MYO9B: variants seen among roughly 807,000 people sequenced by gnomAD.
The protein encoded by MYO9B is unconventional myosin-IXb.
Under a neutral mutation model 229.5 loss-of-function variants are expected in MYO9B, and 71 were observed. The observed-to-expected ratio is 0.31, with a 90% CI of 0.26 to 0.38. MYO9B has a LOEUF of 0.38. MYO9B is among the 10% of genes least tolerant of loss of function. The pLI, the probability that MYO9B is intolerant of heterozygous loss-of-function variation, is 1.00. For missense variants in MYO9B, 2,255 were observed against 2,920.5 expected, an observed-to-expected ratio of 0.77 and a Z score of 5.25; for synonymous variants, 1,185 against 1,235.8, an observed-to-expected ratio of 0.96 and a Z score of 0.86.
chr19:17,211,881 C>T lies in MYO9B; in HGVS notation c.6059-14C>T. 6.3e-7 allele frequency: 1 copy of T among 1,589,110 alleles called. No individual in the cohort carries two copies. Among genetic ancestry groups the T allele is most frequent in the Non-Finnish European group, 8.6e-7 (1 of 1,165,542 alleles). On this transcript the variant is annotated splice_polypyrimidine_tract_variant and intron_variant, in intron 39 of 39. Coordinates refer to ENST00000682292, the MANE Select transcript of MYO9B (RefSeq NM_004145.4). ...CCTGAAGCTGCAGTAACCCTGCCAT[C>T]TGTCTCTCAAAAGGGCCCCCTGCGC...
intron 14 of MYO9B, among the ~76,000 whole-genome samples, chr19:17,176,735 C>T (rs2072794302): frequency 6.6e-6 from 1 of 152,132 alleles, no homozygotes; most frequent in Non-Finnish European, 1.5e-5. Context: ...AGAGTTCTTC[C>T]CCCATCCTGC....
chr19:17,188,745 G>A (rs2072947659), intron 19 of MYO9B, among the ~76,000 whole-genome samples: 1 of 152,184 alleles, frequency 6.6e-6, no homozygotes, highest in Admixed American at 6.5e-5. Flanking sequence ...GGGTGTAGTG[G>A]CACACGCCTG....
intron 3 of MYO9B, among the ~76,000 whole-genome samples, chr19:17,148,121 C>T (rs1283550609): frequency 1.3e-5 from 2 of 152,196 alleles, no homozygotes; most frequent in Admixed American, 6.5e-5. Flanking sequence ...TTGCACGATC[C>T]TATCTGCCAC....
rs115882292 is a variant in MYO9B at position 17,212,482 on chromosome 19, G to A, written c.*172G>A. ...TGCAGAGTCAAGGCAGGGAGAGGCC[G>A]GCTGGAGCCAGGCCCCCTCGCACGC... On this transcript the variant is annotated 3_prime_UTR_variant, in exon 40 of 40. Transcript: ENST00000682292. This position sits in a 1 kb window ranked among gnomAD's most constrained non-coding sequence, Gnocchi z 5.4. The A allele has an allele frequency of 8.3e-4, 646 of 777,538 alleles. No individual in the cohort carries two copies. In the African/African-American group the frequency reaches 9.7e-3, roughly 12 times the overall value. The allele number at this position is 777,538 out of a possible 1,614,324, so 48.2% of individuals were successfully genotyped here. A position where few individuals can be genotyped will look rare whatever the true frequency, so the allele number is the denominator to read the frequency against.
intron 2 of MYO9B, 146 bp from the exon 3 acceptor site, chr19:17,145,251 A>C: frequency 1.3e-6 from 1 of 746,170 alleles, no homozygotes; most frequent in South Asian, 1.9e-5. Context: ...ACTCCAGCCC[A>C]GGTGACAGAA....
chr19:17,202,291 C>A lies in MYO9B; in HGVS notation c.4824C>A (p.Phe1608Leu), dbSNP rs776855247. The A allele has an allele frequency of 1.2e-5, 18 of 1,562,844 alleles. No individual in the cohort carries two copies. In the African/African-American group the frequency reaches 1.2e-4, roughly 11 times the overall value. ...CCCGTGGCTACACCAAGAACGACTT[C>A]GAGCCAGTGAAGGTGGGCAGCCCAG... ...EFTRGYTKND[F>L]EPVKQSKAQK... The change falls in exon 28 of 40, where the codon TTC (phenylalanine) becomes TTA (leucine). Residue 1608 changes from phenylalanine (F) to leucine (L), a missense_variant. Transcript: ENST00000682292.
intron 2 of MYO9B, among the ~76,000 whole-genome samples, chr19:17,125,554 G>C (rs1191017640): frequency 1.3e-5 from 2 of 152,142 alleles, no homozygotes; most frequent in Admixed American, 6.6e-5. Flanking sequence ...CACCCCTGTA[G>C]GGTTTGCTGT....
chr19:17,082,744 G>A (rs149819019), intron 1 of MYO9B, among the ~76,000 whole-genome samples: 79 of 152,228 alleles, frequency 5.2e-4, no homozygotes, highest in Middle Eastern at 3.4e-3. Flanking sequence ...AAGTGTGATC[G>A]TACTTATTTG....
At chr19:17,163,577 A>G (rs1322885606) in intron 10 of MYO9B, among the ~76,000 whole-genome samples, 1 of 151,942 alleles carries the variant, frequency 6.6e-6, no homozygotes, top group African/African-American at 2.4e-5. Context: ...CATGTTGCTC[A>G]GGCTAGTCTC....
chr19:17,101,506 C>A lies in MYO9B; in HGVS notation c.-58-154C>A. 1 of 668,278 alleles carries A rather than the reference C, an allele frequency of 1.5e-6. No homozygotes were observed. The highest frequency in any genetic ancestry group is 2.1e-5 in the South Asian group (1 of 48,466). The allele number at this position is 668,278 out of a possible 1,614,324, so 41.4% of individuals were successfully genotyped here. Reference sequence around the variant, plus strand: ...GGACAGACAGACCCTCACGGGATGTCGTGACTGGTTGCCTCTGGCTTTTTG... The same window carrying A: ...GGACAGACAGACCCTCACGGGATGTAGTGACTGGTTGCCTCTGGCTTTTTG... On this transcript the variant is annotated intron_variant, in intron 1 of 39. Transcript: ENST00000682292. The surrounding 1 kb of genome is among the most constrained non-coding windows in gnomAD (Gnocchi z 4.7).
At chr19:17,194,522 T>C (rs1293608686) in intron 21 of MYO9B, 34 bp from the exon 22 acceptor site, 3 of 1,602,158 alleles carry the variant, frequency 1.9e-6, no homozygotes, top group South Asian at 2.2e-5. Context: ...AGTGTTTGTT[T>C]CTGAACCAGC....
At chr19:17,162,844 A>T (rs2072618917) in intron 9 of MYO9B, 144 bp from the exon 10 acceptor site, 1 of 937,496 alleles carries the variant, frequency 1.1e-6, no homozygotes. Context: ...TATGGATTCC[A>T]TGCTGGTAAT....
Position 17,162,392 on chromosome 19 carries a change from G to A in MYO9B, c.1462G>A (p.Ala488Thr), listed in dbSNP as rs752240677. ...RDSMAKSLYS[A>T]LFDWIVLRIN... is the part of the protein sequence containing the mutation. ...CTCCATGGCCAAGTCTCTGTACAGC[G>A]CCCTGTTCGACTGGATTGTGCTGCG... is the stretch of plus-strand genomic sequence containing the variant. Residue 488 changes from alanine (A) to threonine (T), a missense_variant, in exon 9 of 40, where the codon GCC (alanine) becomes ACC (threonine). By Grantham distance (58) the Ala-to-Thr change is moderately conservative (BLOSUM62 0). Around this residue, in one of 7 missense-constraint regions of MYO9B, gnomAD observed 220 missense variants for 404.5 expected, o/e 0.54. Coordinates refer to ENST00000682292, the MANE Select transcript of MYO9B (RefSeq NM_004145.4). 17 of 1,588,646 alleles carry A rather than the reference G, an allele frequency of 1.1e-5. No individual in the cohort carries two copies. The highest frequency in any genetic ancestry group is 4.6e-5 in the South Asian group (4 of 86,606).
rs766544135 is a variant in MYO9B, at chr19:17,198,249, A to G, written c.4179A>G (p.Pro1393=). The G allele has an allele frequency of 2.5e-6, 4 of 1,613,928 alleles. No individual in the cohort carries two copies. The South Asian group carries it at 3.3e-5, about 13-fold the overall frequency. The change falls in exon 24 of 40, where the codon CCA becomes CCG. Residue 1393 remains proline (P), a synonymous_variant. Transcript: ENST00000682292. ...AGCCAGCTGTCCAGAAGAAGAAGCC[A>G]GGCGACGCATCCTCCCTCCCAGACG... ...AKKPAVQKKK[P]GDASSLPDAG...
In MYO9B at chr19:17,193,447, C is replaced by T. The variant is rs1202177399; in HGVS notation, c.3128+385C>T. Among the ~76,000 whole-genome samples the T allele has an allele frequency of 6.6e-6, 1 of 152,106 alleles. No individual in the cohort carries two copies. Among genetic ancestry groups the T allele is most frequent in the African/African-American group, 2.4e-5 (1 of 41,414 alleles). On this transcript the variant is annotated intron_variant, in intron 21 of 39. Coordinates refer to ENST00000682292, the MANE Select transcript of MYO9B (RefSeq NM_004145.4). The surrounding 1 kb of genome is among the most constrained non-coding windows in gnomAD (Gnocchi z 4.3). The stretch of plus-strand genomic sequence containing the variant: ...AGCCCCCAGGAGGATATCAGCAGCT[C>T]CCGTCCCAGCACCCACAGCTCCGAG...
rs768149997 is a variant in MYO9B at position 17,180,916 on chromosome 19, C to G, written c.2220-11C>G. ...TTTCTGTCACTGCGCCCCCTCCACCCCTCCCCTCAGCGATTTGCATAACCA... is the reference window on the plus strand; with the variant it reads ...TTTCTGTCACTGCGCCCCCTCCACCGCTCCCCTCAGCGATTTGCATAACCA... On this transcript the variant is annotated splice_polypyrimidine_tract_variant and intron_variant, in intron 14 of 39. Coordinates refer to ENST00000682292, the MANE Select transcript of MYO9B (RefSeq NM_004145.4). The G allele has an allele frequency of 6.3e-7, 1 of 1,590,552 alleles. No homozygotes were observed. Among genetic ancestry groups the G allele is most frequent in the South Asian group, 1.1e-5 (1 of 88,808 alleles).
chr19:17,137,086 G>C (rs542719238), intron 2 of MYO9B, among the ~76,000 whole-genome samples: 5 of 152,152 alleles, frequency 3.3e-5, no homozygotes, highest in Admixed American at 3.3e-4. Context: ...AAAATTAGCC[G>C]GGGTGATGGC....
rs964379802 is a variant in MYO9B at position 17,172,554 on chromosome 19, C to T, written c.1935+77C>T. 3.2e-6 allele frequency: 5 copies of T among 1,569,136 alleles called. No individual in the cohort carries two copies. The African/African-American group carries it at 5.4e-5, about 17-fold the overall frequency. On this transcript the variant is annotated intron_variant, in intron 12 of 39. Transcript: ENST00000682292. The surrounding 1 kb of genome is among the most constrained non-coding windows in gnomAD (Gnocchi z 8.2). ...GCCCAGAAGCCCATGTGGGAGGATCCTCCTGTGGGCGAGGTTCCAGGGTGC... is the reference window on the plus strand; with the variant it reads ...GCCCAGAAGCCCATGTGGGAGGATCTTCCTGTGGGCGAGGTTCCAGGGTGC...
In MYO9B at chr19:17,102,278, C is replaced by T; in HGVS notation, c.561C>T (p.Asn187=). The T allele has an allele frequency of 1.9e-6, 3 of 1,614,040 alleles. No homozygotes were observed. The highest frequency in any genetic ancestry group is 1.1e-5 in the South Asian group (1 of 91,082). ...CGGGGAGCATCCTGGTGGCCATCAA[C>T]CCCTTTAAGTTCCTGCCCATCTACA... The part of the protein sequence containing the change: ...TYAGSILVAI[N]PFKFLPIYNP... The change falls in exon 2 of 40, where the codon AAC becomes AAT. Residue 187 remains asparagine (N), a synonymous_variant. Coordinates refer to ENST00000682292, the MANE Select transcript of MYO9B (RefSeq NM_004145.4).
Sources: allele counts gnomAD v4.1 joint callset (sites outside exome capture counted in the v4.1 genomes callset), GRCh38; gene constraint gnomAD v4.1.1; regional missense constraint gnomAD v4.1.1; non-coding constraint Gnocchi (gnomAD v3.1); transcripts MANE v1.5; gene names NCBI Gene and HGNC (gene_info 2026-07-23, HGNC 2026-07-21).